Variants in DRC7 observed in about 807,000 individuals in gnomAD.
The protein encoded by DRC7 is dynein regulatory complex subunit 7.
Under a neutral mutation model 104.4 loss-of-function variants are expected in DRC7, and 80 were observed. The observed-to-expected ratio is 0.77, with a 90% confidence interval of 0.64 to 0.92. The LOEUF (loss-of-function observed/expected upper bound fraction) is 0.92, where lower values mean the gene tolerates loss of function less well. Among genes scored for constraint, DRC7 ranks in the 40% least tolerant of loss-of-function variants. The pLI, the probability that DRC7 is intolerant of heterozygous loss-of-function variation, is 0.00. For missense variants in DRC7, 1,034 were observed against 1,141.1 expected (o/e 0.91, Z 1.35); for synonymous variants, 405 against 447.3 (o/e 0.91, Z 1.19).
chr16:57,731,061 G>A lies in DRC7; in HGVS notation c.2522G>A (p.Arg841His), dbSNP rs148521651. The change falls in exon 18 of 19, where the codon CGC becomes CAC. Residue 841 changes from arginine (R) to histidine (H), a missense_variant. Arg to His is a conservative substitution (Grantham distance 29). Transcript: ENST00000360716. ...AMFRIRILEQ[R>H]LNRHKELAPL... Reference sequence around the variant, plus strand: ...TTCCGCATCCGCATCCTGGAGCAGCGCCTCAATCGGTGAGCAGGCAGGGCA... The same window carrying A: ...TTCCGCATCCGCATCCTGGAGCAGCACCTCAATCGGTGAGCAGGCAGGGCA... The A allele has an allele frequency of 6.8e-5, 109 of 1,613,732 alleles. No individual in the cohort carries two copies. Among genetic ancestry groups the A allele is most frequent in the Admixed American group, 6.2e-4 (37 of 60,002 alleles).
At chr16:57,729,802 ATGAG>A (rs372241701) in intron 17 of DRC7, among the ~76,000 whole-genome samples, 1,796 of 106,342 alleles carry the variant, frequency 0.017, 91 homozygotes, top group African/African-American at 0.069. Flanking sequence ...GGATGGATGG[ATGAG>A]TGAGTAGGTG....
At chr16:57,729,950 GTGGA>G (rs61722889) in intron 17 of DRC7, among the ~76,000 whole-genome samples, 13,551 of 108,576 alleles carry the variant, frequency 0.12, 1,336 homozygotes, top group Non-Finnish European at 0.17. Context: ...GGGTGGGTGG[GTGGA>G]TGGATGGATG....
At chr16:57,702,180 G>A (rs2048667417) in intron 6 of DRC7, 50 bp downstream of exon 6, 5 of 1,589,474 alleles carry the variant, frequency 3.1e-6, no homozygotes, top group Non-Finnish European at 3.4e-6. Flanking sequence ...GAACATTCCC[G>A]GTGCTGTCGT....
chr16:57,721,883 C>T, intron 10 of DRC7, 144 bp downstream of exon 10: 1 of 614,590 alleles, frequency 1.6e-6, no homozygotes, highest in Non-Finnish European at 2.9e-6. Flanking sequence ...CTGCACCCTC[C>T]CTCCCTCCCT....
At chr16:57,727,138 T>C in intron 15 of DRC7, 161 bp from the exon 16 acceptor site, 1 of 674,676 alleles carries the variant, frequency 1.5e-6, no homozygotes, top group South Asian at 1.8e-5. Flanking sequence ...TTTCTTGTTT[T>C]TGTTTTTGTT....
chr16:57,714,735 TG>T (rs2048823791), intron 8 of DRC7: 1 of 434,334 alleles, frequency 2.3e-6, no homozygotes, highest in African/African-American at 2.1e-5. Flanking sequence ...CAGCACTGTT[TG>T]CCAGTATGTT....
chr16:57,721,393 T>A (rs1182989079), intron 9 of DRC7, among the ~76,000 whole-genome samples: 1 of 152,170 alleles, frequency 6.6e-6, no homozygotes, highest in African/African-American at 2.4e-5. Flanking sequence ...TTGGGTACCC[T>A]GACTCCAGAA....
chr16:57,721,275 C>A (rs2048899120), intron 9 of DRC7, among the ~76,000 whole-genome samples: 1 of 152,184 alleles, frequency 6.6e-6, no homozygotes, highest in Admixed American at 6.5e-5. Flanking sequence ...GACATTATAT[C>A]ATTTAATCCT....
chr16:57,708,121 G>T (rs1399677865), intron 8 of DRC7, among the ~76,000 whole-genome samples: 1 of 152,102 alleles, frequency 6.6e-6, no homozygotes, highest in Non-Finnish European at 1.5e-5. Context: ...ACTCACGTAT[G>T]TGGCACTGGT....
At chr16:57,721,780 A>G (rs2048905676) in intron 10 of DRC7, 41 bp downstream of exon 10, 1 of 1,517,144 alleles carries the variant, frequency 6.6e-7, no homozygotes, top group African/African-American at 1.4e-5. Context: ...CTCCAGATCC[A>G]GTTCCTGGGC....
intron 8 of DRC7, among the ~76,000 whole-genome samples, chr16:57,715,969 C>T (rs1756427737): frequency 6.6e-6 from 1 of 152,196 alleles, no homozygotes; most frequent in Admixed American, 6.5e-5. Context: ...AGCACACGAA[C>T]ATTGGAGCAG....
At chr16:57,726,776 T>G (rs1597812645) in intron 14 of DRC7, 56 bp from the exon 15 acceptor site, 1 of 1,118,752 alleles carries the variant, frequency 8.9e-7, no homozygotes, top group Non-Finnish European at 1.3e-6. Context: ...ACCCAGGTGG[T>G]CCTATGCCCC....
chr16:57,731,524 C>T lies in DRC7; in HGVS notation c.*266C>T. On this transcript the variant is annotated 3_prime_UTR_variant, in exon 19 of 19. Transcript: ENST00000360716. ...TCTTCTGTTATCTATAGCCTGGGAC[C>T]ACCCCCTTCCTCCCCTTGGCCTGTC... The T allele has an allele frequency of 2.0e-6, 1 of 511,164 alleles. No homozygotes were observed. Among genetic ancestry groups the T allele is most frequent in the South Asian group, 2.3e-5 (1 of 44,242 alleles). 31.7% of individuals were successfully genotyped at this position (511,164 alleles called of 1,614,324 possible). A position where few individuals can be genotyped will look rare whatever the true frequency, so the allele number is the denominator to read the frequency against.
At chr16:57,728,665 AC>A (rs1373719345) in intron 17 of DRC7, 81 bp downstream of exon 17, 1 of 1,206,314 alleles carries the variant, frequency 8.3e-7, no homozygotes, top group African/African-American at 1.5e-5. Context: ...TCCGCCCACT[AC>A]CTCACAGGCT....
intron 14 of DRC7, 105 bp from the exon 15 acceptor site, chr16:57,726,727 C>G (rs1294445337): frequency 1.2e-5 from 8 of 656,166 alleles, no homozygotes; most frequent in African/African-American, 3.6e-5. Context: ...GCAACTTGCT[C>G]GAGGTCACAC....
intron 8 of DRC7, among the ~76,000 whole-genome samples, chr16:57,708,555 C>CACGA (rs1481261944): frequency 1.3e-5 from 2 of 152,196 alleles, no homozygotes; most frequent in African/African-American, 4.8e-5. Flanking sequence ...ATAATGCCGC[C>CACGA]ATGAATATTT....
intron 6 of DRC7, among the ~76,000 whole-genome samples, chr16:57,703,667 C>CA (rs1340079744): frequency 6.6e-6 from 1 of 152,184 alleles, no homozygotes; most frequent in African/African-American, 2.4e-5. Context: ...CTTTTGGCTT[C>CA]AAAAGCCTCT....
chr16:57,722,885 G>A, intron 11 of DRC7, 44 bp downstream of exon 11: 2 of 1,612,688 alleles, frequency 1.2e-6, no homozygotes, highest in Non-Finnish European at 1.7e-6. Flanking sequence ...CAGCCCAGGG[G>A]CGGGGGCGGC....
rs548795283 is a variant in DRC7 at position 57,718,570 on chromosome 16, A to G, written c.1206+95A>G. ...AGCAGCATATGTGTGGCAGTGGGGG[A>G]TGGCCCAAGTAGACCAGTGATGGGT... On this transcript the variant is annotated intron_variant, in intron 9 of 18. Coordinates refer to ENST00000360716, the MANE Select transcript of DRC7 (RefSeq NM_001289162.2). 6.9e-6 allele frequency: 10 copies of G among 1,448,792 alleles called. No homozygotes were observed. In the African/African-American group the frequency reaches 7.0e-5, roughly 10 times the overall value. 89.7% of individuals were successfully genotyped at this position (1,448,792 alleles called of 1,614,324 possible). A position where few individuals can be genotyped will look rare whatever the true frequency, so the allele number is the denominator to read the frequency against.
Sources: gnomAD v4.1 joint callset for allele counts (sites outside exome capture counted in the v4.1 genomes callset) on GRCh38, gnomAD v4.1.1 for gene constraint, MANE v1.5 for transcripts, NCBI Gene and HGNC (gene_info 2026-07-23, HGNC 2026-07-21) for gene names.